TSNARE1: variants seen among roughly 807,000 people sequenced by gnomAD.
TSNARE1 encodes t-SNARE domain-containing protein 1.
In TSNARE1, 49 loss-of-function variants were observed where a neutral mutation model predicts 62.0. The ratio of observed to expected loss-of-function variants is 0.79; its 90% CI spans 0.63 to 1.00. TSNARE1 has a LOEUF of 1.00. Among genes scored for constraint, TSNARE1 ranks in the 50% least tolerant of loss-of-function variants. The pLI, the probability that TSNARE1 is intolerant of heterozygous loss-of-function variation, is 0.00. For synonymous variants in TSNARE1, 328 were observed against 294.4 expected, an observed-to-expected ratio of 1.11 and a Z score of -1.17; for missense variants, 755 against 700.1, an observed-to-expected ratio of 1.08 and a Z score of -0.88.
chr8:142,354,838 G>T (rs1834588173), intron 1 of TSNARE1, 75 bp from the exon 2 acceptor site: 2 of 819,288 alleles, frequency 2.4e-6, no homozygotes, highest in Admixed American at 2.2e-5. Flanking sequence ...GGTGCACAGG[G>T]GCCGCCGGCC....
chr8:142,345,651 C>A, intron 3 of TSNARE1, 92 bp downstream of exon 3: 1 of 1,409,082 alleles, frequency 7.1e-7, no homozygotes, highest in South Asian at 1.5e-5. Context: ...CTCCTCCCTG[C>A]AGCTCCCACC....
In TSNARE1 at chr8:142,295,758, T is replaced by A. The variant is rs188626733; in HGVS notation, c.1290+4728A>T. 2.2e-3 allele frequency among the ~76,000 whole-genome samples: 333 copies of A among 151,990 alleles called. 1 individual carries two copies. Among genetic ancestry groups the A allele is most frequent in the Non-Finnish European group, 3.7e-3 (249 of 67,978 alleles). ...GCCTGGTGTGCTTCCAGCTGGGCCG[T>A]CCATTGCCCAGACTCAGGCTGGGAA... On this transcript the variant is annotated intron_variant, in intron 10 of 13. Coordinates refer to ENST00000524325, the MANE Select transcript of TSNARE1 (RefSeq NM_145003.5).
chr8:142,221,789 CCACTCATT>C, intron 13 of TSNARE1, among the ~76,000 whole-genome samples: 1 of 35,772 alleles, frequency 2.8e-5, no homozygotes, highest in African/African-American at 9.2e-5. Context: ...ACTCACTCAT[CCACTCATT>C]CACTCACTCA....
intron 1 of TSNARE1, among the ~76,000 whole-genome samples, chr8:142,366,317 C>T (rs1367617357): frequency 6.6e-6 from 1 of 152,074 alleles, no homozygotes; most frequent in East Asian, 1.9e-4. Context: ...TTTTATGAAG[C>T]ATGTATAACC....
At chr8:142,274,731 G>T in intron 12 of TSNARE1, 50 bp downstream of exon 12, 1 of 1,442,734 alleles carries the variant, frequency 6.9e-7, no homozygotes, top group Non-Finnish European at 9.1e-7. Flanking sequence ...TTGGAGGATA[G>T]GGGACGGAGG....
rs1485739639 is a variant in TSNARE1 at position 142,267,837 on chromosome 8, T to C, written c.1446+6944A>G. Among the ~76,000 whole-genome samples the C allele has an allele frequency of 5.3e-5, 8 of 152,336 alleles. No homozygotes were observed. The South Asian group carries it at 6.2e-4, about 12-fold the overall frequency. ...GAAGCACAGTGTCCAAGGTGAGCAG[T>C]GTGGATACGAATCCCACTGAAATCC... On this transcript the variant is annotated intron_variant, in intron 12 of 13. Coordinates refer to ENST00000524325, the MANE Select transcript of TSNARE1 (RefSeq NM_145003.5).
rs566460489 is a variant in TSNARE1 at position 142,278,587 on chromosome 8, G to A, written c.1364-3724C>T. The stretch of plus-strand genomic sequence containing the variant: ...GAGGAGGTGCGGTGGGAGGAGGCAC[G>A]GAGGCGGCAGGAGGAAGCACGGAGC... On this transcript the variant is annotated intron_variant, in intron 11 of 13. Transcript: ENST00000524325. The A allele has an allele frequency of 4.3e-5, 42 of 985,344 alleles. No homozygotes were observed. The South Asian group carries it at 5.2e-4, about 12-fold the overall frequency. The allele number at this position is 985,344 out of a possible 1,614,324, so 61.0% of individuals were successfully genotyped here. A position where few individuals can be genotyped will look rare whatever the true frequency, so the allele number is the denominator to read the frequency against.
intron 4 of TSNARE1, among the ~76,000 whole-genome samples, chr8:142,335,602 A>G (rs1229668737): frequency 6.6e-6 from 1 of 152,242 alleles, no homozygotes; most frequent in African/African-American, 2.4e-5. Context: ...CTACTCCAAA[A>G]AAAAAGGAAG....
rs935954932 is a variant in TSNARE1 at position 142,276,563 on chromosome 8, T to C, written c.1364-1700A>G. The C allele has an allele frequency of 3.0e-4, 293 of 985,290 alleles. 1 individual carries two copies. Among genetic ancestry groups the C allele is most frequent in the Non-Finnish European group, 3.4e-4 (285 of 829,906 alleles). 61.0% of individuals were successfully genotyped at this position (985,290 alleles called of 1,614,324 possible). A position where few individuals can be genotyped will look rare whatever the true frequency, so the allele number is the denominator to read the frequency against. ...GCCAGCAGAGACAGGAAGGCCATGG[T>C]GGTCTGGGCTAACACAGGTGGTGCT... On this transcript the variant is annotated intron_variant, in intron 11 of 13. Coordinates refer to ENST00000524325, the MANE Select transcript of TSNARE1 (RefSeq NM_145003.5).
intron 6 of TSNARE1, among the ~76,000 whole-genome samples, chr8:142,327,402 C>T (rs1303783926): frequency 1.3e-5 from 2 of 151,856 alleles, no homozygotes; most frequent in African/African-American, 2.4e-5. Flanking sequence ...TGGGTGTGTC[C>T]TCACAGTGGG....
intron 13 of TSNARE1, among the ~76,000 whole-genome samples, chr8:142,219,060 C>T (rs534694973): frequency 3.3e-5 from 5 of 152,084 alleles, no homozygotes; most frequent in African/African-American, 4.8e-5. Flanking sequence ...TCTCTTGCTG[C>T]GGTTAGAAAA....
At chr8:142,292,245 G>T (rs1823909736) in intron 10 of TSNARE1, among the ~76,000 whole-genome samples, 1 of 152,186 alleles carries the variant, frequency 6.6e-6, no homozygotes, top group African/African-American at 2.4e-5. Context: ...AGTGGACAGG[G>T]AAAGCAGTCT....
intron 7 of TSNARE1, among the ~76,000 whole-genome samples, chr8:142,316,100 G>A (rs1162158214): frequency 3.4e-5 from 5 of 146,996 alleles, no homozygotes; most frequent in African/African-American, 7.3e-5. Flanking sequence ...TAAGCGCAGC[G>A]CCTCCCGTAA....
At chr8:142,224,532 C>T (rs1392847106) in intron 13 of TSNARE1, among the ~76,000 whole-genome samples, 3 of 152,322 alleles carry the variant, frequency 2.0e-5, no homozygotes, top group Admixed American at 1.3e-4. Context: ...TGGCTGGGTG[C>T]GGTCCCTCCT....
intron 12 of TSNARE1, chr8:142,271,031 G>T: frequency 1.0e-6 from 1 of 985,810 alleles, no homozygotes; most frequent in South Asian, 4.7e-5. Flanking sequence ...CTCAGCAGGG[G>T]AAAGACTGGA....
intron 1 of TSNARE1, among the ~76,000 whole-genome samples, chr8:142,359,829 A>C (rs78130624): frequency 0.038 from 5,864 of 152,330 alleles, 394 homozygotes; most frequent in African/African-American, 0.13. Flanking sequence ...ACATGCCAGA[A>C]GGCCTCAGAC....
Position 142,315,095 on chromosome 8 carries a change from G to T in TSNARE1, c.985-3C>A. On this transcript the variant is annotated splice_polypyrimidine_tract_variant and splice_region_variant and intron_variant, in intron 7 of 13. Coordinates refer to ENST00000524325, the MANE Select transcript of TSNARE1 (RefSeq NM_145003.5). The stretch of plus-strand genomic sequence containing the variant: ...CGCTCCTGCTGCAGACGCTCCTGCT[G>T]CAGAGAAGGTACAGCTGGCACGGCA... 1.2e-6 allele frequency: 2 copies of T among 1,614,070 alleles called. No individual in the cohort carries two copies. Among genetic ancestry groups the T allele is most frequent in the Non-Finnish European group, 1.7e-6 (2 of 1,180,004 alleles).
intron 9 of TSNARE1, among the ~76,000 whole-genome samples, chr8:142,305,111 G>A (rs543426850): frequency 2.0e-3 from 311 of 152,328 alleles, no homozygotes; most frequent in Middle Eastern, 6.8e-3. Flanking sequence ...TCCCTCCCAC[G>A]ATGAAATCCT....
chr8:142,373,372 G>A (rs1398530629), intron 1 of TSNARE1, among the ~76,000 whole-genome samples: 1 of 152,136 alleles, frequency 6.6e-6, no homozygotes, highest in Middle Eastern at 3.2e-3. Flanking sequence ...ACTGGCGGCT[G>A]GGAGAGAGGA....
Sources: gnomAD v4.1 joint callset for allele counts (sites outside exome capture counted in the v4.1 genomes callset) on GRCh38, gnomAD v4.1.1 for gene constraint, MANE v1.5 for transcripts, NCBI Gene and HGNC (gene_info 2026-07-23, HGNC 2026-07-21) for gene names.